Variants in CLYBL observed in about 807,000 individuals in gnomAD.
CLYBL encodes the protein citramalyl-CoA lyase, mitochondrial.
Under a neutral mutation model 38.9 loss-of-function variants are expected in CLYBL, and 31 were observed. That is an observed-to-expected ratio of 0.80 (90% CI 0.60 to 1.08). The LOEUF is 1.08. CLYBL is among the 50% of genes least tolerant of loss of function. CLYBL has a pLI of 0.00. For synonymous variants in CLYBL, 171 were observed against 158.6 expected (o/e 1.08, Z -0.59); for missense variants, 434 against 411.6 (o/e 1.05, Z -0.47).
intron 7 of CLYBL, among the ~76,000 whole-genome samples, chr13:99,885,273 G>A (rs766103171): frequency 2.3e-4 from 35 of 152,178 alleles, no homozygotes; most frequent in Admixed American, 7.2e-4. Flanking sequence ...ACTTCACAGA[G>A]GTGACACCTT....
intron 2 of CLYBL, among the ~76,000 whole-genome samples, chr13:99,815,545 A>G (rs551960283): frequency 1.3e-5 from 2 of 152,190 alleles, no homozygotes; most frequent in African/African-American, 4.8e-5. Context: ...TGATGGCGCC[A>G]CCGCATTCCA....
rs200272752 is a variant in CLYBL, at chr13:99,792,788, G to C, written c.249+19778G>C. Among the ~76,000 whole-genome samples, 44 of 152,256 alleles carry C rather than the reference G, an allele frequency of 2.9e-4. 1 individual carries two copies. The East Asian group carries it at 7.2e-3, about 25-fold the overall frequency. On this transcript the variant is annotated intron_variant, in intron 2 of 8. Coordinates refer to ENST00000339105, the MANE Select transcript of CLYBL (RefSeq NM_206808.5). The stretch of plus-strand genomic sequence containing the variant: ...AGAAATTCCTGCAAGGCCTCCTGTA[G>C]TCACCTGTTAGACTGCAGAACCGGG...
At chr13:99,848,179 C>T (rs1297142797) in intron 2 of CLYBL, among the ~76,000 whole-genome samples, 3 of 152,178 alleles carry the variant, frequency 2.0e-5, no homozygotes, top group Non-Finnish European at 4.4e-5. Context: ...CCTCCTCCAA[C>T]CCCCTTCTCA....
intron 1 of CLYBL, among the ~76,000 whole-genome samples, chr13:99,758,855 G>A (rs2049113721): frequency 6.6e-6 from 1 of 152,240 alleles, no homozygotes; most frequent in Admixed American, 6.5e-5. Context: ...TTCACAGGCT[G>A]TTCTTTGGGG....
At chr13:99,814,756 C>T (rs888096436) in intron 2 of CLYBL, among the ~76,000 whole-genome samples, 9 of 147,842 alleles carry the variant, frequency 6.1e-5, no homozygotes, top group Middle Eastern at 3.7e-3. Context: ...GGAGTCTGGG[C>T]GTGGTGGCTA....
intron 7 of CLYBL, among the ~76,000 whole-genome samples, chr13:99,889,291 C>T (rs2052429005): frequency 6.6e-6 from 1 of 152,170 alleles, no homozygotes; most frequent in Non-Finnish European, 1.5e-5. Context: ...TTTTACAGGG[C>T]CATAACCCAC....
intron 2 of CLYBL, among the ~76,000 whole-genome samples, chr13:99,813,239 A>G (rs1011402547): frequency 6.6e-6 from 1 of 152,230 alleles, no homozygotes; most frequent in Non-Finnish European, 1.5e-5. Context: ...GGCCCTTGGA[A>G]TAGAAATATC....
chr13:99,638,516 C>T (rs532168666), intron 1 of CLYBL, among the ~76,000 whole-genome samples: 4 of 152,286 alleles, frequency 2.6e-5, no homozygotes, highest in East Asian at 1.9e-4. Context: ...GCTAGACATG[C>T]GGGATTTCGC....
chr13:99,607,765 A>T (rs1280462161), intron 1 of CLYBL, among the ~76,000 whole-genome samples: 1 of 152,096 alleles, frequency 6.6e-6, no homozygotes, highest in Non-Finnish European at 1.5e-5. Context: ...ATTTTTTGAG[A>T]CAGAGTCTCG....
At chr13:99,649,092 T>G (rs2047215874) in intron 1 of CLYBL, among the ~76,000 whole-genome samples, 1 of 152,084 alleles carries the variant, frequency 6.6e-6, no homozygotes, top group Non-Finnish European at 1.5e-5. Flanking sequence ...TGTGTTTGGC[T>G]TTGGATGTAC....
chr13:99,626,698 T>C (rs1214608219), intron 1 of CLYBL, among the ~76,000 whole-genome samples: 2 of 152,176 alleles, frequency 1.3e-5, no homozygotes, highest in Non-Finnish European at 2.9e-5. Flanking sequence ...CTCTGTGTAT[T>C]ATGTACTTCG....
At chr13:99,740,592 T>A (rs912068869) in intron 1 of CLYBL, among the ~76,000 whole-genome samples, 2 of 152,212 alleles carry the variant, frequency 1.3e-5, no homozygotes, top group African/African-American at 4.8e-5. Flanking sequence ...GGAGAAGGTA[T>A]CATTAGCGAC....
intron 2 of CLYBL, among the ~76,000 whole-genome samples, chr13:99,824,174 G>A (rs1043256640): frequency 6.6e-6 from 1 of 152,144 alleles, no homozygotes; most frequent in Non-Finnish European, 1.5e-5. Flanking sequence ...ACTTCCAAGA[G>A]ATTCCGGAAT....
At chr13:99,669,006 CT>C (rs373579427) in intron 1 of CLYBL, among the ~76,000 whole-genome samples, 290 of 139,998 alleles carry the variant, frequency 2.1e-3, no homozygotes, top group Middle Eastern at 3.7e-3. Context: ...AGGCCCTCAG[CT>C]TTTTTTTTTT....
chr13:99,734,870 A>G (rs1263489925), intron 1 of CLYBL, among the ~76,000 whole-genome samples: 4 of 152,212 alleles, frequency 2.6e-5, no homozygotes, highest in Non-Finnish European at 5.9e-5. Flanking sequence ...GAACTATATT[A>G]CTATAGAAGT....
intron 2 of CLYBL, among the ~76,000 whole-genome samples, chr13:99,824,114 A>AT (rs1410031227): frequency 2.0e-5 from 3 of 152,234 alleles, no homozygotes; most frequent in African/African-American, 7.2e-5. Flanking sequence ...CTAGACTTAA[A>AT]TAAGTCCCAG....
At chr13:99,679,433 G>A (rs1469954984) in intron 1 of CLYBL, among the ~76,000 whole-genome samples, 1 of 152,126 alleles carries the variant, frequency 6.6e-6, no homozygotes, top group Non-Finnish European at 1.5e-5. Context: ...TGCTCTTAAT[G>A]TCCCAGAACT....
At chr13:99,631,230 G>A (rs1017621590) in intron 1 of CLYBL, among the ~76,000 whole-genome samples, 1 of 152,080 alleles carries the variant, frequency 6.6e-6, no homozygotes, top group Non-Finnish European at 1.5e-5. Context: ...GTTGAGGTGG[G>A]AGGATTGCTT....
At chr13:99,866,520 C>T in intron 6 of CLYBL, 113 bp downstream of exon 6, 1 of 843,348 alleles carries the variant, frequency 1.2e-6, no homozygotes, top group Non-Finnish European at 1.8e-6. Context: ...ACTTACTCCA[C>T]TATTTGAAAT....
Sources: gnomAD v4.1 joint callset for allele counts (sites outside exome capture counted in the v4.1 genomes callset) on GRCh38, gnomAD v4.1.1 for gene constraint, MANE v1.5 for transcripts, NCBI Gene and HGNC (gene_info 2026-07-23, HGNC 2026-07-21) for gene names.